CNTN6: variants seen among roughly 807,000 people sequenced by gnomAD.
CNTN6 encodes the protein contactin-6.
Under a neutral mutation model 122.8 loss-of-function variants are expected in CNTN6, and 137 were observed. The observed-to-expected ratio is 1.12, with a 90% CI of 0.97 to 1.29. The LOEUF is 1.29. CNTN6 is among the 50% of genes most tolerant of loss of function. CNTN6 has a pLI of 0.00. For synonymous variants in CNTN6, 570 were observed against 426.0 expected (o/e 1.34, Z -4.16); for missense variants, 1,634 against 1,223.4 (o/e 1.34, Z -5.01).
Position 1,385,772 on chromosome 3 carries a change from A to C in CNTN6, c.2679A>C (p.Pro893=), listed in dbSNP as rs748249382. The change falls in exon 20 of 23, where the codon CCA becomes CCC. Residue 893 remains proline, a synonymous_variant. Coordinates refer to ENST00000446702, the MANE Select transcript of CNTN6 (RefSeq NM_001289080.2). ...CTGGGACAGGGCCCTCAAGCCCCCC[A>C]GTCAATGTTACCACCAAAAAGTCTC... ...NTAGTGPSSP[P]VNVTTKKSPP... 2.5e-6 allele frequency: 4 copies of C among 1,611,338 alleles called. No homozygotes were observed. The highest frequency in any genetic ancestry group is 1.1e-5 in the South Asian group (1 of 90,642).
chr3:1,404,164 T>G lies in CNTN6; in HGVS notation c.*746T>G, dbSNP rs981171426. On this transcript the variant is annotated 3_prime_UTR_variant, in exon 23 of 23. Transcript: ENST00000446702. ...ACAAATCTCAGGTAATTATGACAAGTTGATTGCAATGTATGTGGCCTTATT... is the reference window on the plus strand; with the variant it reads ...ACAAATCTCAGGTAATTATGACAAGGTGATTGCAATGTATGTGGCCTTATT... 9 of 152,178 alleles carry G rather than the reference T, an allele frequency of 5.9e-5. No homozygotes were observed. The highest frequency in any genetic ancestry group is 2.0e-4 in the Admixed American group (3 of 15,260). 9.4% of individuals were successfully genotyped at this position (152,178 alleles called of 1,614,324 possible).
intron 20 of CNTN6, among the ~76,000 whole-genome samples, chr3:1,386,942 G>C (rs1314768007): frequency 6.6e-6 from 1 of 152,024 alleles, no homozygotes; most frequent in East Asian, 1.9e-4. Flanking sequence ...AAAGAAGTTA[G>C]TTAGGAACCA....
intron 2 of CNTN6, among the ~76,000 whole-genome samples, chr3:1,199,144 T>C (rs987472965): frequency 6.6e-6 from 1 of 150,936 alleles, no homozygotes; most frequent in South Asian, 2.1e-4. Context: ...TGTAGACTTC[T>C]AGACTCCTGA....
At chr3:1,131,343 A>T (rs1318607723) in intron 1 of CNTN6, among the ~76,000 whole-genome samples, 1 of 152,136 alleles carries the variant, frequency 6.6e-6, no homozygotes, top group Non-Finnish European at 1.5e-5. Context: ...CATTGATACC[A>T]GCAGGAGCTA....
At position 1,329,809 on chromosome 3, in the gene CNTN6, G is replaced by C; in HGVS notation, c.1238G>C (p.Ser413Thr). The C allele has an allele frequency of 6.2e-7, 1 of 1,605,388 alleles. No homozygotes were observed. Among genetic ancestry groups the C allele is most frequent in the Non-Finnish European group, 8.5e-7 (1 of 1,176,762 alleles). ...VLASAPDFSK[S>T]PVKKKSFVQV... Reference sequence around the variant, plus strand: ...GCCTCAGCTCCAGATTTCTCCAAAAGTCCAGTTAAAAAAAAGTCTTTTGTT... The same window carrying C: ...GCCTCAGCTCCAGATTTCTCCAAAACTCCAGTTAAAAAAAAGTCTTTTGTT... Residue 413 changes from serine to threonine, a missense_variant, in exon 11 of 23, where the codon AGT becomes ACT. Physicochemically the swap from Ser to Thr is moderately conservative, Grantham distance 58 (BLOSUM62 1). Transcript: ENST00000446702.
intron 4 of CNTN6, among the ~76,000 whole-genome samples, chr3:1,268,352 A>G (rs771812451): frequency 3.3e-5 from 5 of 152,138 alleles, no homozygotes; most frequent in Non-Finnish European, 5.9e-5. Context: ...TCACGCTTGT[A>G]ATCCCAGCAC....
intron 12 of CNTN6, among the ~76,000 whole-genome samples, chr3:1,366,308 G>A (rs779379612): frequency 7.9e-5 from 12 of 152,112 alleles, no homozygotes; most frequent in Admixed American, 2.0e-4. Context: ...AGAGTCTAGC[G>A]TAGTCAACAA....
chr3:1,155,183 T>A lies in CNTN6; in HGVS notation c.55+7120T>A, dbSNP rs115554890. ...ATCTGGAATTAACTTATTTATACAT[T>A]GTTTACCAGTGCACTTTCTGCCTAT... On this transcript the variant is annotated intron_variant, in intron 2 of 22. Transcript: ENST00000446702. Among the ~76,000 whole-genome samples the A allele has an allele frequency of 3.7e-3, 556 of 152,320 alleles. 4 individuals carry two copies. The highest frequency in any genetic ancestry group is 5.5e-3 in the Non-Finnish European group (377 of 68,028).
rs1709470142 is a variant in CNTN6, at chr3:1,373,858, A to G, written c.1946-66A>G. ...TACATTTTAAATTAATAATTATATA[A>G]TTTTGTACAATTATTTGTTTTTGAG... On this transcript the variant is annotated intron_variant, in intron 15 of 22. Transcript: ENST00000446702. The G allele has an allele frequency of 5.4e-6, 8 of 1,480,410 alleles. No individual in the cohort carries two copies. The South Asian group carries it at 1.2e-4, about 21-fold the overall frequency. 91.7% of individuals were successfully genotyped at this position (1,480,410 alleles called of 1,614,324 possible). A position where few individuals can be genotyped will look rare whatever the true frequency, so the allele number is the denominator to read the frequency against.
In CNTN6 at chr3:1,227,832, GCA is replaced by G; in HGVS notation, c.200_201del (p.Thr67ArgfsTer3). The G allele has an allele frequency of 6.2e-7, 1 of 1,613,380 alleles. No individual in the cohort carries two copies. ...TTTCCTTGAAGGTGGAAGCAAAATGGCACAGACATTGATTTTACTATGAGTTA... is the reference window on the plus strand; with the variant it reads ...TTTCCTTGAAGGTGGAAGCAAAATGGCAGACATTGATTTTACTATGAGTTA... On this transcript the variant is annotated frameshift_variant, in exon 4 of 23. Transcript: ENST00000446702. LOFTEE classifies it high-confidence loss of function.
At chr3:1,198,025 G>A (rs1309459333) in intron 2 of CNTN6, among the ~76,000 whole-genome samples, 1 of 152,136 alleles carries the variant, frequency 6.6e-6, no homozygotes, top group Non-Finnish European at 1.5e-5. Context: ...TCTTTCCACT[G>A]GACTTTGTGA....
intron 4 of CNTN6, among the ~76,000 whole-genome samples, chr3:1,278,189 T>G (rs567010936): frequency 6.6e-6 from 1 of 152,184 alleles, no homozygotes; most frequent in Non-Finnish European, 1.5e-5. Flanking sequence ...AGATAGTGAG[T>G]ATTGTCTTTA....
chr3:1,322,169 T>C (rs984322162), intron 8 of CNTN6, among the ~76,000 whole-genome samples: 2 of 151,842 alleles, frequency 1.3e-5, no homozygotes, highest in Middle Eastern at 3.4e-3. Flanking sequence ...TATAGCAATC[T>C]TGATTCTAAT....
intron 11 of CNTN6, among the ~76,000 whole-genome samples, chr3:1,351,384 A>G (rs1299439285): frequency 6.6e-6 from 1 of 151,992 alleles, no homozygotes; most frequent in Admixed American, 6.6e-5. Context: ...GTTGTCACAC[A>G]TTTTGATACA....
At chr3:1,399,016 T>C (rs1313865826) in intron 20 of CNTN6, among the ~76,000 whole-genome samples, 1 of 152,144 alleles carries the variant, frequency 6.6e-6, no homozygotes, top group Admixed American at 6.6e-5. Flanking sequence ...AAATCAATTC[T>C]GTCTCCTAGC....
At chr3:1,306,315 G>A (rs746601792) in intron 7 of CNTN6, among the ~76,000 whole-genome samples, 1 of 151,866 alleles carries the variant, frequency 6.6e-6, no homozygotes, top group African/African-American at 2.4e-5. Context: ...AACATGACGT[G>A]GTATTGCTTG....
intron 1 of CNTN6, among the ~76,000 whole-genome samples, chr3:1,144,376 C>T (rs2092679371): frequency 6.6e-6 from 1 of 151,920 alleles, no homozygotes; most frequent in Non-Finnish European, 1.5e-5. Flanking sequence ...AGGAGTTCAA[C>T]ACCACCCTGG....
intron 4 of CNTN6, among the ~76,000 whole-genome samples, chr3:1,243,533 G>T (rs911329862): frequency 4.0e-5 from 6 of 151,856 alleles, no homozygotes; most frequent in Non-Finnish European, 8.8e-5. Flanking sequence ...AGAATAAGAC[G>T]GCCTTTTGAC....
chr3:1,375,135 G>C (rs112795271), intron 16 of CNTN6, among the ~76,000 whole-genome samples: 1 of 151,888 alleles, frequency 6.6e-6, no homozygotes. Context: ...GAAATTCCCC[G>C]GCCCTCCTAT....
Sources: gnomAD v4.1 joint callset for allele counts (sites outside exome capture counted in the v4.1 genomes callset) on GRCh38, gnomAD v4.1.1 for gene constraint, MANE v1.5 for transcripts, NCBI Gene and HGNC (gene_info 2026-07-23, HGNC 2026-07-21) for gene names.